The following TRPM2 variants were observed in gnomAD, a reference collection of about 807,000 sequenced individuals.
TRPM2 encodes transient receptor potential cation channel subfamily M member 2, also known as estrogen-responsive element-associated gene 1 protein.
In TRPM2, 161 loss-of-function variants were observed where a neutral mutation model predicts 174.0. The observed-to-expected ratio is 0.93, with a 90% CI of 0.81 to 1.05. The LOEUF (loss-of-function observed/expected upper bound fraction) is 1.05. Among genes scored for constraint, TRPM2 ranks in the 50% least tolerant of loss-of-function variants. The probability of loss-of-function intolerance (pLI) is 0.00; values close to 1 mark genes in which losing one functional copy is unlikely to be tolerated. For synonymous variants in TRPM2, 954 were observed against 861.3 expected (o/e 1.11, Z -1.88); for missense variants, 2,057 against 2,038.0 (o/e 1.01, Z -0.18).
Position 44,353,845 on chromosome 21 carries a change from C to G in TRPM2, c.145C>G (p.Pro49Ala). 1 of 1,599,492 alleles carries G rather than the reference C, an allele frequency of 6.3e-7. No homozygotes were observed. Among genetic ancestry groups the G allele is most frequent in the Admixed American group, 1.7e-5 (1 of 57,160 alleles). ...SLFKSWRLQC[P>A]FGNNDKQESL... ...CTTCAAGAGCTGGAGGCTACAGTGC[C>G]CCTTCGGCAACAATGACAAGGTAGG... is the stretch of plus-strand genomic sequence containing the variant. Residue 49 changes from proline (P) to alanine (A), a missense_variant, in exon 1 of 32, where the codon CCC becomes GCC. Physicochemically the swap from Pro to Ala is conservative, Grantham distance 27 (BLOSUM62 -1). Coordinates refer to ENST00000397928, the MANE Select transcript of TRPM2 (RefSeq NM_003307.4).
intron 2 of TRPM2, among the ~76,000 whole-genome samples, chr21:44,356,118 GTGATCCACC>G (rs1296729520): frequency 7.5e-6 from 1 of 133,926 alleles, no homozygotes; most frequent in Non-Finnish European, 1.6e-5. Flanking sequence ...GCCGAGGCAG[GTGATCCACC>G]CGCCTCGGCC....
chr21:44,402,298 C>A (rs2049647002), intron 16 of TRPM2, among the ~76,000 whole-genome samples: 3 of 152,178 alleles, frequency 2.0e-5, no homozygotes, highest in Admixed American at 2.0e-4. Flanking sequence ...AGTGGCAATG[C>A]TCACTTATGG....
At chr21:44,425,921 C>T in intron 25 of TRPM2, 94 bp downstream of exon 25, 2 of 1,352,658 alleles carry the variant, frequency 1.5e-6, no homozygotes, top group Non-Finnish European at 1.9e-6. Context: ...TTAATCCTGG[C>T]TCCCAGCCAC....
At chr21:44,373,345 C>G (rs1284443336) in intron 5 of TRPM2, among the ~76,000 whole-genome samples, 1 of 152,120 alleles carries the variant, frequency 6.6e-6, no homozygotes, top group African/African-American at 2.4e-5. Context: ...CACCACCATG[C>G]CCAGCTAATT....
chr21:44,441,659 C>G (rs779621888), intron 31 of TRPM2, 33 bp from the exon 32 acceptor site: 27 of 1,584,086 alleles, frequency 1.7e-5, no homozygotes, highest in Non-Finnish European at 2.3e-5. Flanking sequence ...GCAGGGCTGG[C>G]GGGGAGGGTC....
rs141145336 is a variant in TRPM2, at chr21:44,417,862, G to A, written c.3147-65G>A. 464 of 1,528,914 alleles carry A rather than the reference G, an allele frequency of 3.0e-4. No homozygotes were observed. In the African/African-American group the frequency reaches 3.1e-3, roughly 10 times the overall value. The allele number at this position is 1,528,914 out of a possible 1,614,324, so 94.7% of individuals were successfully genotyped here. On this transcript the variant is annotated intron_variant, in intron 20 of 31. Transcript: ENST00000397928. ...GTGGCATCACAGTGGGCACGCAGGCGGTGAGAGGGGTCTGTTCTGGGTAAA... is the reference window on the plus strand; with the variant it reads ...GTGGCATCACAGTGGGCACGCAGGCAGTGAGAGGGGTCTGTTCTGGGTAAA...
chr21:44,369,396 T>C, intron 5 of TRPM2, 53 bp downstream of exon 5: 5 of 1,559,442 alleles, frequency 3.2e-6, no homozygotes, highest in Non-Finnish European at 4.3e-6. Flanking sequence ...GTGGGTGAGG[T>C]CTGACTGGGC....
chr21:44,436,915 G>A, intron 28 of TRPM2, 147 bp from the exon 29 acceptor site: 1 of 635,532 alleles, frequency 1.6e-6, no homozygotes, highest in Non-Finnish European at 2.7e-6. Flanking sequence ...TCTTTTCCCT[G>A]GGGATGAAGA....
intron 12 of TRPM2, among the ~76,000 whole-genome samples, chr21:44,396,483 T>C (rs2049409164): frequency 4.0e-5 from 1 of 24,972 alleles, no homozygotes. Flanking sequence ...GTGTGGAGGC[T>C]GTGGAGGGAT....
At position 44,366,678 on chromosome 21, in the gene TRPM2, G is replaced by C. The variant is rs2048370946; in HGVS notation, c.424-76G>C. Reference sequence around the variant, plus strand: ...GTCTGCCGCCCGCTGGGGCCTCTCTGCATGGCCTGTGTGGGTCGGTGCTGT... The same window carrying C: ...GTCTGCCGCCCGCTGGGGCCTCTCTCCATGGCCTGTGTGGGTCGGTGCTGT... On this transcript the variant is annotated intron_variant, in intron 3 of 31. Transcript: ENST00000397928. The surrounding 1 kb of genome is among the most constrained non-coding windows in gnomAD (Gnocchi z 6.0). 1.2e-6 allele frequency: 2 copies of C among 1,603,718 alleles called. No individual in the cohort carries two copies. The highest frequency in any genetic ancestry group is 3.3e-5 in the Admixed American group (2 of 59,786).
rs565696555 is a variant in TRPM2 at position 44,417,876 on chromosome 21, G to C, written c.3147-51G>C. On this transcript the variant is annotated intron_variant, in intron 20 of 31. Transcript: ENST00000397928. ...GGCACGCAGGCGGTGAGAGGGGTCT[G>C]TTCTGGGTAAACACCCTGACCTCGA... The C allele has an allele frequency of 2.0e-5, 32 of 1,577,964 alleles. No individual in the cohort carries two copies. In the East Asian group the frequency reaches 2.5e-4, roughly 12 times the overall value.
At chr21:44,404,325 C>T (rs888009663) in intron 16 of TRPM2, among the ~76,000 whole-genome samples, 1 of 152,106 alleles carries the variant, frequency 6.6e-6, no homozygotes, top group Non-Finnish European at 1.5e-5. Context: ...TACACATATA[C>T]ACACATGCAT....
In TRPM2 at chr21:44,354,427, G is replaced by A. The variant is rs2047998289; in HGVS notation, c.166-221G>A. 6.6e-6 allele frequency among the ~76,000 whole-genome samples: 1 copy of A among 152,182 alleles called. No homozygotes were observed. Among genetic ancestry groups the A allele is most frequent in the African/African-American group, 2.4e-5 (1 of 41,448 alleles). On this transcript the variant is annotated intron_variant, in intron 1 of 31. Coordinates refer to ENST00000397928, the MANE Select transcript of TRPM2 (RefSeq NM_003307.4). This position sits in a 1 kb window ranked among gnomAD's most constrained non-coding sequence, Gnocchi z 4.3. ...TGTAAAGTGCGCGCACATTCAAAAT[G>A]GTCCCAAGAGGAAATGATTTCTTAG... is the stretch of plus-strand genomic sequence containing the variant.
chr21:44,404,335 TACACATACAAATACATGCAG>T (rs940591411), intron 16 of TRPM2, among the ~76,000 whole-genome samples: 2 of 151,956 alleles, frequency 1.3e-5, no homozygotes, highest in Non-Finnish European at 2.9e-5. Flanking sequence ...CACACATGCA[TACACATACAAATACATGCAG>T]ACACATACAG....
At chr21:44,388,532 C>T (rs573426390) in intron 9 of TRPM2, among the ~76,000 whole-genome samples, 20 of 151,534 alleles carry the variant, frequency 1.3e-4, no homozygotes, top group East Asian at 5.8e-4. Context: ...GTGAACTGTA[C>T]GCTTAAAAAT....
At chr21:44,425,495 C>A in intron 24 of TRPM2, 175 bp from the exon 25 acceptor site, 1 of 698,374 alleles carries the variant, frequency 1.4e-6, no homozygotes, top group Non-Finnish European at 2.1e-6. Context: ...GGCTGTCCTC[C>A]CTGGGGGCCC....
At chr21:44,386,070 GAC>G (rs1050769748) in intron 9 of TRPM2, among the ~76,000 whole-genome samples, 3 of 152,072 alleles carry the variant, frequency 2.0e-5, no homozygotes, top group African/African-American at 7.2e-5. Context: ...AAAGTAGCAG[GAC>G]ACAAAATCAA....
chr21:44,425,712 GCAGGAAGAAGACGGAGGAGCCGGGCGA>G lies in TRPM2; in HGVS notation c.3684_3710del (p.Arg1228_Asp1236del), dbSNP rs547070705. 1.7e-3 allele frequency: 2,671 copies of G among 1,568,298 alleles called. 5 individuals are homozygous for G. The highest frequency in any genetic ancestry group is 1.9e-3 in the Non-Finnish European group (2,145 of 1,155,494). ...GAGGAGCCGGATGCTGAGCCGGGAGGCAGGAAGAAGACGGAGGAGCCGGGCGACAGCTACCACGTGAATGCCCGGCAC... is the reference window on the plus strand; with the variant it reads ...GAGGAGCCGGATGCTGAGCCGGGAGGCAGCTACCACGTGAATGCCCGGCAC... On this transcript the variant is annotated inframe_deletion, in exon 25 of 32. Transcript: ENST00000397928.
Position 44,438,359 on chromosome 21 carries a change from T to C in TRPM2, c.4168-708T>C, listed in dbSNP as rs529228805. On this transcript the variant is annotated intron_variant, in intron 29 of 31. Coordinates refer to ENST00000397928, the MANE Select transcript of TRPM2 (RefSeq NM_003307.4). The surrounding 1 kb of genome is among the most constrained non-coding windows in gnomAD (Gnocchi z 5.9). ...GGGGTCCCACTCACTGGCATCCCTG[T>C]CAGCTCAGGCTGGTCACTGAGAGGG... Among the ~76,000 whole-genome samples the C allele has an allele frequency of 9.3e-4, 142 of 152,326 alleles. No individual in the cohort carries two copies. Among genetic ancestry groups the C allele is most frequent in the South Asian group, 4.8e-3 (23 of 4,828 alleles).
Sources: allele counts gnomAD v4.1 joint callset (sites outside exome capture counted in the v4.1 genomes callset), GRCh38; gene constraint gnomAD v4.1.1; non-coding constraint Gnocchi (gnomAD v3.1); transcripts MANE v1.5; gene names NCBI Gene and HGNC (gene_info 2026-07-23, HGNC 2026-07-21).